RIMBP2: variants seen among roughly 807,000 people sequenced by gnomAD.
The protein encoded by RIMBP2 is RIMS-binding protein 2.
RIMBP2 carries 48 observed loss-of-function variants against 118.6 expected under a neutral mutation model. The ratio of observed to expected loss-of-function variants is 0.40; its 90% CI spans 0.32 to 0.51. The LOEUF is 0.51. Among genes scored for constraint, RIMBP2 ranks in the 20% least tolerant of loss-of-function variants. The pLI, the probability that RIMBP2 is intolerant of heterozygous loss-of-function variation, is 0.41. For synonymous variants in RIMBP2, 762 were observed against 742.9 expected (o/e 1.03, Z -0.42); for missense variants, 1,551 against 1,768.3 (o/e 0.88, Z 2.20).
chr12:130,500,445 G>A (rs1197998992), intron 4 of RIMBP2, among the ~76,000 whole-genome samples: 2 of 152,142 alleles, frequency 1.3e-5, no homozygotes, highest in Non-Finnish European at 2.9e-5. Flanking sequence ...GTGACTGAGC[G>A]AGACTCCTTC....
intron 2 of RIMBP2, among the ~76,000 whole-genome samples, chr12:130,526,402 G>A (rs1487815015): frequency 6.6e-6 from 1 of 152,140 alleles, no homozygotes; most frequent in African/African-American, 2.4e-5. Flanking sequence ...ACAGGCTCAG[G>A]CATCAAAGAT....
At chr12:130,583,563 C>G (rs1387045085) in intron 2 of RIMBP2, among the ~76,000 whole-genome samples, 3 of 144,670 alleles carry the variant, frequency 2.1e-5, no homozygotes, top group Admixed American at 1.5e-4. Context: ...ACGACCATCA[C>G]CACCATCACC....
intron 2 of RIMBP2, among the ~76,000 whole-genome samples, chr12:130,534,716 A>C (rs1435317636): frequency 5.9e-5 from 9 of 152,224 alleles, no homozygotes; most frequent in Non-Finnish European, 1.3e-4. Flanking sequence ...TTGAAAAGCC[A>C]CATGGTGGTG....
At chr12:130,401,601 C>A (rs2074578804) in intron 21 of RIMBP2, among the ~76,000 whole-genome samples, 1 of 151,828 alleles carries the variant, frequency 6.6e-6, no homozygotes, top group Non-Finnish European at 1.5e-5. Flanking sequence ...CCTGGGCCTT[C>A]TCTCACCGGC....
At chr12:130,463,657 G>A (rs1281297311) in intron 6 of RIMBP2, among the ~76,000 whole-genome samples, 1 of 151,994 alleles carries the variant, frequency 6.6e-6, no homozygotes, top group Non-Finnish European at 1.5e-5. Flanking sequence ...CAGAACCCAG[G>A]GACGGTCCAG....
At chr12:130,548,178 C>A (rs1037499688) in intron 2 of RIMBP2, among the ~76,000 whole-genome samples, 1 of 152,168 alleles carries the variant, frequency 6.6e-6, no homozygotes, top group South Asian at 2.1e-4. Flanking sequence ...TTGTTCCACT[C>A]GGGCCATGAA....
intron 9 of RIMBP2, among the ~76,000 whole-genome samples, chr12:130,448,763 T>G (rs1294977892): frequency 2.6e-5 from 4 of 152,232 alleles, no homozygotes; most frequent in African/African-American, 7.2e-5. Flanking sequence ...AGCATTCACA[T>G]CTGCCTGGGC....
At chr12:130,644,122 C>A (rs2141043449) in intron 1 of RIMBP2, among the ~76,000 whole-genome samples, 1 of 152,300 alleles carries the variant, frequency 6.6e-6, no homozygotes, top group East Asian at 1.9e-4. Context: ...CTCTCACTGG[C>A]AGAAAAGCTA....
rs1354185766 is a variant in RIMBP2, at chr12:130,450,407, A to G, written c.505-131T>C. 1.7e-5 allele frequency: 12 copies of G among 686,002 alleles called. No individual in the cohort carries two copies. Among genetic ancestry groups the G allele is most frequent in the Non-Finnish European group, 2.9e-5 (11 of 377,300 alleles). The allele number at this position is 686,002 out of a possible 1,614,324, so 42.5% of individuals were successfully genotyped here. On this transcript the variant is annotated intron_variant, in intron 8 of 22. Transcript: ENST00000690449. This position sits in a 1 kb window ranked among gnomAD's most constrained non-coding sequence, Gnocchi z 4.8. ...GACGGCCTGAGACTGTGGCACTCCCAGGAGGCACTGCCACCCGCACACCCA... is the reference window on the plus strand; with the variant it reads ...GACGGCCTGAGACTGTGGCACTCCCGGGAGGCACTGCCACCCGCACACCCA...
chr12:130,577,302 C>T (rs2058150021), intron 2 of RIMBP2, among the ~76,000 whole-genome samples: 1 of 152,132 alleles, frequency 6.6e-6, no homozygotes, highest in African/African-American at 2.4e-5. Flanking sequence ...CTAATAAACG[C>T]TAGCTATAAT....
intron 1 of RIMBP2, among the ~76,000 whole-genome samples, chr12:130,661,553 C>T (rs1402296200): frequency 1.3e-5 from 2 of 152,196 alleles, no homozygotes; most frequent in Non-Finnish European, 1.5e-5. Flanking sequence ...TGACCGCTGA[C>T]AACTGTCTAG....
intron 3 of RIMBP2, among the ~76,000 whole-genome samples, chr12:130,515,508 T>C (rs1176230489): frequency 2.6e-5 from 4 of 152,284 alleles, no homozygotes; most frequent in African/African-American, 9.6e-5. Context: ...TAGCAAAATG[T>C]CCCCAAGGTT....
At chr12:130,493,741 C>G (rs942485521) in intron 4 of RIMBP2, among the ~76,000 whole-genome samples, 2 of 152,216 alleles carry the variant, frequency 1.3e-5, no homozygotes, top group Non-Finnish European at 2.9e-5. Flanking sequence ...TTAAAACTTG[C>G]CATTCCAAGT....
At chr12:130,698,469 T>C (rs766483622) in intron 1 of RIMBP2, among the ~76,000 whole-genome samples, 2 of 152,036 alleles carry the variant, frequency 1.3e-5, no homozygotes, top group Non-Finnish European at 2.9e-5. Context: ...GAAATACAAG[T>C]TTTAGACTGG....
At chr12:130,409,162 A>G (rs1354136320) in intron 19 of RIMBP2, among the ~76,000 whole-genome samples, 2 of 152,130 alleles carry the variant, frequency 1.3e-5, no homozygotes, top group Non-Finnish European at 2.9e-5. Context: ...AGCGTGCAGT[A>G]CTTTACGTTG....
At chr12:130,456,737 C>T (rs896725458) in intron 6 of RIMBP2, 37 bp from the exon 7 acceptor site, 26 of 1,527,140 alleles carry the variant, frequency 1.7e-5, no homozygotes, top group Non-Finnish European at 2.3e-5. Context: ...TCAGCGGTGG[C>T]ATTTGGTGGT....
intron 2 of RIMBP2, among the ~76,000 whole-genome samples, chr12:130,532,961 G>T (rs376534596): frequency 1.5e-3 from 153 of 103,706 alleles, no homozygotes; most frequent in South Asian, 4.1e-3. Flanking sequence ...ATGCGTGTGT[G>T]TAGCCTCTAG....
chr12:130,646,442 G>GCCTCATCACCTCCCTCACCACCTCCCTCA lies in RIMBP2; in HGVS notation c.-351-17987_-351-17986insTGAGGGAGGTGGTGAGGGAGGTGATGAGG, dbSNP rs2062973419. Among the ~76,000 whole-genome samples, 17 of 4,630 alleles carry GCCTCATCACCTCCCTCACCACCTCCCTCA rather than the reference G, an allele frequency of 3.7e-3. 6 individuals carry two copies. Among genetic ancestry groups the GCCTCATCACCTCCCTCACCACCTCCCTCA allele is most frequent in the Admixed American group, 0.01 (3 of 298 alleles). The allele number at this position is 4,630 out of a possible 152,430, so 3.0% of individuals were successfully genotyped here. ...CACCACTTCCCTCTCCACCTCCCTTGCCACCTCCCTCGCCACCTCCCTCGC... is the reference window on the plus strand; with the variant it reads ...CACCACTTCCCTCTCCACCTCCCTTGCCTCATCACCTCCCTCACCACCTCCCTCACCACCTCCCTCGCCACCTCCCTCGC... On this transcript the variant is annotated intron_variant, in intron 1 of 22. Transcript: ENST00000690449.
intron 4 of RIMBP2, among the ~76,000 whole-genome samples, chr12:130,487,227 C>T (rs144193342): frequency 4.6e-5 from 7 of 152,324 alleles, no homozygotes; most frequent in South Asian, 2.1e-4. Context: ...CAGCCCTTCA[C>T]GGCGTGATGG....
Sources: gnomAD v4.1 joint callset for allele counts (sites outside exome capture counted in the v4.1 genomes callset) on GRCh38, gnomAD v4.1.1 for gene constraint, Gnocchi (gnomAD v3.1) non-coding constraint, MANE v1.5 for transcripts, NCBI Gene and HGNC (gene_info 2026-07-23, HGNC 2026-07-21) for gene names.